Variants in DST observed in about 807,000 individuals in gnomAD.
The protein encoded by DST is dystonin, also known as bullous pemphigoid antigen.
In DST, 253 loss-of-function variants were observed where a neutral mutation model predicts 875.2. The ratio of observed to expected loss-of-function variants is 0.29; its 90% CI spans 0.26 to 0.32. The LOEUF (loss-of-function observed/expected upper bound fraction) is 0.32, where lower values mean the gene tolerates loss of function less well. Ranked by LOEUF, DST falls within the 10% of genes least tolerant of loss-of-function variation. The pLI is 1.00. For synonymous variants in DST, 3,124 were observed against 3,197.1 expected (o/e 0.98, Z 0.77); for missense variants, 8,287 against 9,111.6 (o/e 0.91, Z 3.68).
intron 103 of DST, 77 bp downstream of exon 103, chr6:56,460,054 T>C: frequency 6.7e-7 from 1 of 1,488,632 alleles, no homozygotes; most frequent in Non-Finnish European, 9.0e-7. Flanking sequence ...TCTTCCCCAA[T>C]GAGGAGGAAA....
At chr6:56,620,912 A>G (rs1399528204) in intron 36 of DST, among the ~76,000 whole-genome samples, 3 of 152,224 alleles carry the variant, frequency 2.0e-5, no homozygotes, top group Non-Finnish European at 4.4e-5. Flanking sequence ...AAAACCCTTC[A>G]CGACAGGTTT....
chr6:56,766,756 C>A lies in DST; in HGVS notation c.626-31467G>T, dbSNP rs920198849. ...GTGTTGGTCAGGCTGGTCTCGAACT[C>A]CTGACCTCAGGTGATCCACCCGCCT... On this transcript the variant is annotated intron_variant, in intron 4 of 103. Coordinates refer to ENST00000680361, the MANE Select transcript of DST (RefSeq NM_001374736.1). Among the ~76,000 whole-genome samples the A allele has an allele frequency of 3.9e-5, 6 of 152,154 alleles. No individual in the cohort carries two copies. In the South Asian group the frequency reaches 1.0e-3, roughly 26 times the overall value.
chr6:56,477,527 T>C, intron 90 of DST, 39 bp from the exon 91 acceptor site: 1 of 1,612,034 alleles, frequency 6.2e-7, no homozygotes. Flanking sequence ...CTGTTGGCAT[T>C]GGCTGAAAAC....
intron 10 of DST, among the ~76,000 whole-genome samples, chr6:56,651,784 A>C (rs963198188): frequency 2.6e-5 from 4 of 152,118 alleles, no homozygotes; most frequent in Non-Finnish European, 5.9e-5. Context: ...CTGTTTCCTG[A>C]ACTCATACTT....
intron 61 of DST, among the ~76,000 whole-genome samples, chr6:56,543,190 G>A (rs1008839188): frequency 4.8e-4 from 73 of 152,298 alleles, no homozygotes; most frequent in African/African-American, 1.7e-3. Flanking sequence ...GGGAAAAGGG[G>A]GGCTACATAG....
At chr6:56,789,334 T>TAA (rs959840026) in intron 4 of DST, among the ~76,000 whole-genome samples, 2 of 152,092 alleles carry the variant, frequency 1.3e-5, no homozygotes, top group Non-Finnish European at 2.9e-5. Context: ...ACCCTGCACC[T>TAA]AAAAAATTAA....
At chr6:56,506,037 T>C (rs1004226049) in intron 77 of DST, among the ~76,000 whole-genome samples, 9 of 152,212 alleles carry the variant, frequency 5.9e-5, no homozygotes, top group African/African-American at 2.2e-4. Flanking sequence ...TTAAACTTGG[T>C]GATATTTTTA....
chr6:56,520,264 C>G (rs931788657), intron 69 of DST, among the ~76,000 whole-genome samples: 2 of 152,004 alleles, frequency 1.3e-5, no homozygotes, highest in African/African-American at 4.8e-5. Context: ...GGAACTACAA[C>G]AAAAGTCCTA....
chr6:56,597,855 C>T lies in DST; in HGVS notation c.12080G>A (p.Gly4027Asp), dbSNP rs765421614. 6.2e-7 allele frequency: 1 copy of T among 1,613,922 alleles called. No homozygotes were observed. The highest frequency in any genetic ancestry group is 2.2e-5 in the East Asian group (1 of 44,878). Residue 4027 changes from glycine (G) to aspartate (D), a missense_variant, in exon 47 of 104, where the codon GGC becomes GAC. Around this residue, in one of 10 missense-constraint regions of DST, gnomAD observed 1,513 missense variants for 1,677.8 expected, o/e 0.90. Transcript: ENST00000680361. ...QNGTHFQEGD[G>D]KSAIGEEDEV... is the part of the protein sequence containing the mutation. ...ATCCTCTTCTCCAATTGCTGACTTG[C>T]CATCACCTTCTTGAAAATGGGTCCC...
At chr6:56,850,008 C>T (rs1764269601) in intron 4 of DST, among the ~76,000 whole-genome samples, 1 of 152,196 alleles carries the variant, frequency 6.6e-6, no homozygotes, top group Non-Finnish European at 1.5e-5. Flanking sequence ...TCGCTGGAGC[C>T]TCAGACCTGC....
chr6:56,609,392 G>A lies in DST; in HGVS notation c.5284-48C>T, dbSNP rs2098525589. The A allele has an allele frequency of 2.9e-6, 4 of 1,386,042 alleles. No individual in the cohort carries two copies. The Admixed American group carries it at 8.9e-5, about 31-fold the overall frequency. The allele number at this position is 1,386,042 out of a possible 1,614,324, so 85.9% of individuals were successfully genotyped here. ...TCAGGTCACTCTGTTACACAAGGGT[G>A]GGCGGAGTTTCATGCAACTTAGGTT... On this transcript the variant is annotated intron_variant, in intron 39 of 103. Transcript: ENST00000680361.
At chr6:56,847,777 T>C (rs1422655213) in intron 4 of DST, among the ~76,000 whole-genome samples, 1 of 152,226 alleles carries the variant, frequency 6.6e-6, no homozygotes, top group East Asian at 1.9e-4. Flanking sequence ...CTTATAGCCA[T>C]CTCAACTAAT....
rs780005247 is a variant in DST at position 56,608,595 on chromosome 6, G to A, written c.6033C>T (p.Val2011=). 5 of 1,613,222 alleles carry A rather than the reference G, an allele frequency of 3.1e-6. No individual in the cohort carries two copies. In the African/African-American group the frequency reaches 6.7e-5, roughly 22 times the overall value. The change falls in exon 40 of 104, where the codon GTC becomes GTT. Residue 2011 remains valine (V), a synonymous_variant. Coordinates refer to ENST00000680361, the MANE Select transcript of DST (RefSeq NM_001374736.1). ...SGQRMTVEEA[V]REGVIDRDTA... ...TGTCCCTGTCAATCACCCCTTCTCT[G>A]ACAGCTTCTTCAACAGTCATTCTTT...
chr6:56,733,166 G>A (rs1031586506), intron 5 of DST, among the ~76,000 whole-genome samples: 4 of 152,040 alleles, frequency 2.6e-5, no homozygotes, highest in Admixed American at 2.6e-4. Flanking sequence ...GTAGGCAGGG[G>A]GCAAGGAGAG....
chr6:56,741,501 G>A (rs1421191593), intron 4 of DST, among the ~76,000 whole-genome samples: 1 of 152,208 alleles, frequency 6.6e-6, no homozygotes, highest in African/African-American at 2.4e-5. Flanking sequence ...CTACAGGAAT[G>A]AGAAAAGAGT....
At chr6:56,625,940 T>C (rs1384849242) in intron 34 of DST, among the ~76,000 whole-genome samples, 1 of 147,048 alleles carries the variant, frequency 6.8e-6, no homozygotes, top group Non-Finnish European at 1.5e-5. Context: ...TGTATGTTTG[T>C]CTCTTAGGCT....
rs1266919944 is a variant in DST, at chr6:56,477,550, G to A, written c.21532-62C>T. The A allele has an allele frequency of 8.8e-6, 14 of 1,595,594 alleles. No homozygotes were observed. The South Asian group carries it at 1.1e-4, about 13-fold the overall frequency. On this transcript the variant is annotated intron_variant, in intron 90 of 103. Transcript: ENST00000680361. Reference sequence around the variant, plus strand: ...ATTGGCTGAAAACAAAACTCTGGTGGCATTTGTTTGACTGCCAGAATTAAA... The same window carrying A: ...ATTGGCTGAAAACAAAACTCTGGTGACATTTGTTTGACTGCCAGAATTAAA...
At chr6:56,902,518 A>T (rs748054834) in intron 2 of DST, among the ~76,000 whole-genome samples, 1 of 152,240 alleles carries the variant, frequency 6.6e-6, no homozygotes, top group African/African-American at 2.4e-5. Context: ...GATAATTTTT[A>T]AAAAAGGAGG....
In DST at chr6:56,536,693, G is replaced by C. The variant is rs538316238; in HGVS notation, c.16770+86C>G. ...ACAGTAGACATATTTAGAAAAGTTTGGCTACCACAAATATGATTCATGGTC... is the reference window on the plus strand; with the variant it reads ...ACAGTAGACATATTTAGAAAAGTTTCGCTACCACAAATATGATTCATGGTC... On this transcript the variant is annotated intron_variant, in intron 62 of 103. Coordinates refer to ENST00000680361, the MANE Select transcript of DST (RefSeq NM_001374736.1). 3.3e-5 allele frequency: 44 copies of C among 1,313,814 alleles called. No individual in the cohort carries two copies. In the Admixed American group the frequency reaches 1.1e-3, roughly 32 times the overall value. The allele number at this position is 1,313,814 out of a possible 1,614,324, so 81.4% of individuals were successfully genotyped here.
Sources: gnomAD v4.1 joint callset for allele counts (sites outside exome capture counted in the v4.1 genomes callset) on GRCh38, gnomAD v4.1.1 for gene constraint, gnomAD v4.1.1 regional missense constraint, MANE v1.5 for transcripts, NCBI Gene and HGNC (gene_info 2026-07-23, HGNC 2026-07-21) for gene names.